Variants in PDIA4 observed in about 807,000 individuals in gnomAD.
PDIA4 encodes the protein protein disulfide-isomerase A4.
In PDIA4, 33 loss-of-function variants were observed where a neutral mutation model predicts 62.1. That is an observed-to-expected ratio of 0.53 (90% CI 0.40 to 0.71). PDIA4 has a LOEUF of 0.71. Among genes scored for constraint, PDIA4 ranks in the 30% least tolerant of loss-of-function variants. The pLI, the probability that PDIA4 is intolerant of heterozygous loss-of-function variation, is 0.00. For missense variants in PDIA4, 804 were observed against 813.6 expected (o/e 0.99, Z 0.14); for synonymous variants, 341 against 324.1 (o/e 1.05, Z -0.56).
intron 6 of PDIA4, among the ~76,000 whole-genome samples, chr7:149,009,352 C>T (rs1823867235): frequency 6.6e-6 from 1 of 152,198 alleles, no homozygotes; most frequent in Admixed American, 6.5e-5. Flanking sequence ...AGCTAATTTG[C>T]CAGAAGCTGC....
At chr7:149,021,827 T>C (rs1275295197) in intron 1 of PDIA4, among the ~76,000 whole-genome samples, 2 of 152,166 alleles carry the variant, frequency 1.3e-5, no homozygotes. Context: ...ACCTCCTCCC[T>C]ACTTCCTTGT....
At chr7:149,020,434 A>C (rs1200318778) in intron 2 of PDIA4, among the ~76,000 whole-genome samples, 1 of 152,206 alleles carries the variant, frequency 6.6e-6, no homozygotes, top group East Asian at 1.9e-4. Context: ...GAGGGACACA[A>C]GAGCTCTAAC....
intron 1 of PDIA4, chr7:149,028,056 G>A (rs1824620577): frequency 3.2e-6 from 2 of 632,642 alleles, no homozygotes; most frequent in Non-Finnish European, 6.0e-6. Flanking sequence ...CCCAGCCTCG[G>A]GTGACAGGGG....
In PDIA4 at chr7:149,005,081, G is replaced by A. The variant is rs576972074; in HGVS notation, c.1522+60C>T. 55 of 1,381,618 alleles carry A rather than the reference G, an allele frequency of 4.0e-5. No individual in the cohort carries two copies. In the South Asian group the frequency reaches 5.9e-4, roughly 15 times the overall value. The allele number at this position is 1,381,618 out of a possible 1,614,324, so 85.6% of individuals were successfully genotyped here. A position where few individuals can be genotyped will look rare whatever the true frequency, so the allele number is the denominator to read the frequency against. On this transcript the variant is annotated intron_variant, in intron 9 of 9. Transcript: ENST00000652332. ...AGCACCAGACGCCCCTGGCCTGTCTGGATTCCGCACGAGGAGCACAGCAGC... is the reference window on the plus strand; with the variant it reads ...AGCACCAGACGCCCCTGGCCTGTCTAGATTCCGCACGAGGAGCACAGCAGC...
rs183203188 is a variant in PDIA4, at chr7:149,016,757, G to A, written c.476-1715C>T. Among the ~76,000 whole-genome samples, 148 of 152,094 alleles carry A rather than the reference G, an allele frequency of 9.7e-4. 6 individuals are homozygous for A. The highest frequency in any genetic ancestry group is 8.0e-4 in the African/African-American group (33 of 41,496). On this transcript the variant is annotated intron_variant, in intron 3 of 9. Transcript: ENST00000652332. ...CGATCTCCTGACCTCGTGATCCACC[G>A]ACCTTGGCCTCCCAAAGTGCTGGGA... is the stretch of plus-strand genomic sequence containing the variant.
chr7:149,028,379 C>G lies in PDIA4; in HGVS notation c.30G>C (p.Leu10=), dbSNP rs546451058. MRPRKAFLL[L]LLLGLVQLLA... is the part of the protein sequence containing the mutation. ...GCAGCTGCACCAGCCCCAAGAGCAG[C>G]AGGAGCAGGAAGGCTTTCCGGGGCC... Residue 10 remains leucine (L), a synonymous_variant, in exon 1 of 10, where the codon CTG becomes CTC. Transcript: ENST00000652332. 11 of 1,525,484 alleles carry G rather than the reference C, an allele frequency of 7.2e-6. No individual in the cohort carries two copies. The East Asian group carries it at 1.1e-4, about 15-fold the overall frequency. 94.5% of individuals were successfully genotyped at this position (1,525,484 alleles called of 1,614,324 possible).
chr7:149,007,608 G>A (rs1823807824), intron 7 of PDIA4, among the ~76,000 whole-genome samples: 1 of 152,224 alleles, frequency 6.6e-6, no homozygotes, highest in Admixed American at 6.5e-5. Context: ...CTTGGGCTGG[G>A]AACTCCCACT....
chr7:149,013,135 C>G (rs1204354659), intron 4 of PDIA4, among the ~76,000 whole-genome samples: 2 of 152,072 alleles, frequency 1.3e-5, no homozygotes, highest in Non-Finnish European at 1.5e-5. Context: ...GTAATCCCAG[C>G]TACTCGGGAG....
chr7:149,018,388 A>G (rs1269341662), intron 3 of PDIA4, among the ~76,000 whole-genome samples: 1 of 151,984 alleles, frequency 6.6e-6, no homozygotes, highest in Non-Finnish European at 1.5e-5. Flanking sequence ...AGTGCTCTAG[A>G]CCACCACCAA....
rs141864886 is a variant in PDIA4, at chr7:149,012,157, T to C, written c.818A>G (p.Tyr273Cys). The C allele has an allele frequency of 1.1e-4, 178 of 1,614,004 alleles. 1 individual carries two copies. Among genetic ancestry groups the C allele is most frequent in the Non-Finnish European group, 1.4e-4 (166 of 1,180,000 alleles). Residue 273 changes from tyrosine (Y) to cysteine (C), a missense_variant and splice_region_variant, in exon 5 of 10, where the codon TAT becomes TGT. Transcript: ENST00000652332. The part of the protein sequence containing the change: ...PYDYNGPREK[Y>C]GIVDYMIEQS... Reference sequence around the variant, plus strand: ...GGGAGAGAAGGGAGTGGCCATACCATATTTTTCTCGTGGGCCGTTGTAGTC... The same window carrying C: ...GGGAGAGAAGGGAGTGGCCATACCACATTTTTCTCGTGGGCCGTTGTAGTC...
At chr7:149,006,133 G>A (rs547891648) in intron 7 of PDIA4, 80 bp from the exon 8 acceptor site, 5 of 1,443,358 alleles carry the variant, frequency 3.5e-6, no homozygotes, top group African/African-American at 3.4e-5. Context: ...AGGGACTTTG[G>A]GGGAGTGGCG....
chr7:149,011,101 G>C (rs1216655377), intron 6 of PDIA4, among the ~76,000 whole-genome samples: 1 of 152,218 alleles, frequency 6.6e-6, no homozygotes, highest in East Asian at 1.9e-4. Context: ...CACAGAATTA[G>C]CACTAAGTAG....
At chr7:149,024,079 T>C (rs1408977064) in intron 1 of PDIA4, among the ~76,000 whole-genome samples, 1 of 152,126 alleles carries the variant, frequency 6.6e-6, no homozygotes, top group African/African-American at 2.4e-5. Context: ...AAACCCCGTC[T>C]TTACTAAAAG....
rs1390546401 is a variant in PDIA4 at position 149,028,140 on chromosome 7, T to TGCCACA, written c.88+175_88+180dup. The TGCCACA allele has an allele frequency of 2.3e-5, 14 of 598,122 alleles. No homozygotes were observed. The African/African-American group carries it at 2.6e-4, about 11-fold the overall frequency. The allele number at this position is 598,122 out of a possible 1,614,324, so 37.1% of individuals were successfully genotyped here. On this transcript the variant is annotated intron_variant, in intron 1 of 9. Transcript: ENST00000652332. Reference sequence around the variant, plus strand: ...GGGAACCCCAAATCGATCCTGCCACTGCCACAGCCACCGCCCCCGCCCCTT... The same window carrying TGCCACA: ...GGGAACCCCAAATCGATCCTGCCACTGCCACAGCCACAGCCACCGCCCCCGCCCCTT...
intron 8 of PDIA4, 106 bp from the exon 9 acceptor site, chr7:149,005,480 C>CA: frequency 1.4e-6 from 1 of 733,222 alleles, no homozygotes; most frequent in South Asian, 1.6e-5. Context: ...TGACAATGCT[C>CA]AAACCCTGGA....
chr7:149,007,026 C>A (rs942830892), intron 7 of PDIA4, among the ~76,000 whole-genome samples: 1 of 152,168 alleles, frequency 6.6e-6, no homozygotes, highest in Non-Finnish European at 1.5e-5. Context: ...CCAAGCTCAT[C>A]AGGACCCCTC....
chr7:149,015,196 C>T (rs1247042595), intron 3 of PDIA4, among the ~76,000 whole-genome samples, 154 bp from the exon 4 acceptor site: 2 of 152,174 alleles, frequency 1.3e-5, no homozygotes, highest in Non-Finnish European at 2.9e-5. Context: ...TGCATCTCTG[C>T]AGTTTTGGGG....
In PDIA4 at chr7:149,028,414, CG is replaced by C; in HGVS notation, c.-7del. On this transcript the variant is annotated 5_prime_UTR_variant, in exon 1 of 10. Transcript: ENST00000652332. The stretch of plus-strand genomic sequence containing the variant: ...AAGGCTTTCCGGGGCCTCATGGTAG[CG>C]GGGGCGGAGCGCGGCCTCCTAGCGT... 6.7e-7 allele frequency: 1 copy of C among 1,493,762 alleles called. No homozygotes were observed. 92.5% of individuals were successfully genotyped at this position (1,493,762 alleles called of 1,614,324 possible). A position where few individuals can be genotyped will look rare whatever the true frequency, so the allele number is the denominator to read the frequency against.
At position 149,004,050 on chromosome 7, in the gene PDIA4, AG is replaced by A. The variant is rs768343099; in HGVS notation, c.1681del (p.Leu561Ter). 6.2e-7 allele frequency: 1 copy of A among 1,614,162 alleles called. No homozygotes were observed. Among genetic ancestry groups the A allele is most frequent in the South Asian group, 1.1e-5 (1 of 91,080 alleles). On this transcript the variant is annotated frameshift_variant, in exon 10 of 10. Coordinates refer to ENST00000652332, the MANE Select transcript of PDIA4 (RefSeq NM_004911.5). LOFTEE classifies it high-confidence loss of function. ...YAPWCGHCKQ[L>X]EPVYNSLAKK... ...GGCCAGGCTGTTGTACACGGGCTCT[AG>A]CTGCTTGCAGTGCCCGCACCATGGC...
Sources: allele counts gnomAD v4.1 joint callset (sites outside exome capture counted in the v4.1 genomes callset), GRCh38; gene constraint gnomAD v4.1.1; transcripts MANE v1.5; gene names NCBI Gene and HGNC (gene_info 2026-07-23, HGNC 2026-07-21).